The following GUCY1A2 variants were observed in gnomAD, a reference collection of about 807,000 sequenced individuals.
The protein encoded by GUCY1A2 is guanylate cyclase soluble subunit alpha-2.
Under a neutral mutation model 63.5 loss-of-function variants are expected in GUCY1A2, and 27 were observed. The ratio of observed to expected loss-of-function variants is 0.43; its 90% confidence interval spans 0.31 to 0.59. GUCY1A2 has a LOEUF of 0.59. Among genes scored for constraint, GUCY1A2 ranks in the 20% least tolerant of loss-of-function variants. The pLI, the probability that GUCY1A2 is intolerant of heterozygous loss-of-function variation, is 0.11. For missense variants in GUCY1A2, 768 were observed against 913.3 expected, an observed-to-expected ratio of 0.84 and a Z score of 2.05; for synonymous variants, 364 against 343.5, an observed-to-expected ratio of 1.06 and a Z score of -0.66.
At chr11:106,733,000 G>T (rs1863529702) in intron 6 of GUCY1A2, among the ~76,000 whole-genome samples, 1 of 152,084 alleles carries the variant, frequency 6.6e-6, no homozygotes, top group Non-Finnish European at 1.5e-5. Flanking sequence ...ATTCAGATTT[G>T]GAATAATCAC....
intron 5 of GUCY1A2, among the ~76,000 whole-genome samples, chr11:106,795,148 T>G (rs1864731384): frequency 6.6e-6 from 1 of 152,160 alleles, no homozygotes. Flanking sequence ...ATAAGTTACG[T>G]GACTTACTCA....
At chr11:106,692,964 G>A (rs17563648) in intron 7 of GUCY1A2, among the ~76,000 whole-genome samples, 14,199 of 152,244 alleles carry the variant, frequency 0.093, 890 homozygotes, top group Non-Finnish European at 0.14. Context: ...ACATCTGCAC[G>A]TTTGAAATCA....
intron 3 of GUCY1A2, among the ~76,000 whole-genome samples, chr11:106,945,522 T>C (rs566997533): frequency 2.0e-5 from 3 of 152,266 alleles, no homozygotes; most frequent in South Asian, 4.1e-4. Context: ...AACACACACA[T>C]AGACACATGC....
chr11:106,773,092 T>G (rs936346462), intron 6 of GUCY1A2, among the ~76,000 whole-genome samples: 1 of 152,130 alleles, frequency 6.6e-6, no homozygotes, highest in Non-Finnish European at 1.5e-5. Flanking sequence ...AATAAAAAAT[T>G]TTATACTATG....
chr11:106,957,855 CTTTTTTTTTTTTTTTTTTTTT>C (rs59519013), intron 3 of GUCY1A2, among the ~76,000 whole-genome samples: 2 of 87,244 alleles, frequency 2.3e-5, no homozygotes, highest in Non-Finnish European at 4.1e-5. Context: ...AAGGGACAAA[CTTTTTTTTTTTTTTTTTTTTT>C]TTTTTTTTTT....
At chr11:106,733,905 C>A (rs935516682) in intron 6 of GUCY1A2, among the ~76,000 whole-genome samples, 4 of 152,106 alleles carry the variant, frequency 2.6e-5, no homozygotes, top group Admixed American at 2.6e-4. Flanking sequence ...TTCCTCAACT[C>A]CTCCTAGGGG....
At chr11:106,776,418 C>CTCTCAAAT in intron 6 of GUCY1A2, 21 bp downstream of exon 6, 1 of 1,603,178 alleles carries the variant, frequency 6.2e-7, no homozygotes, top group Non-Finnish European at 8.5e-7. Flanking sequence ...ACTACTCAAA[C>CTCTCAAAT]TAGATTGTTG....
intron 3 of GUCY1A2, among the ~76,000 whole-genome samples, chr11:106,978,321 G>A (rs540767729): frequency 6.6e-6 from 1 of 152,252 alleles, no homozygotes; most frequent in East Asian, 1.9e-4. Flanking sequence ...CTGAGAATAA[G>A]GGCCAAAGAA....
At chr11:106,944,970 T>C (rs1439543962) in intron 3 of GUCY1A2, among the ~76,000 whole-genome samples, 1 of 151,948 alleles carries the variant, frequency 6.6e-6, no homozygotes, top group Non-Finnish European at 1.5e-5. Flanking sequence ...AACACTATAA[T>C]GTAGAATGAG....
At chr11:106,930,850 C>A (rs145768661) in intron 4 of GUCY1A2, among the ~76,000 whole-genome samples, 3 of 152,308 alleles carry the variant, frequency 2.0e-5, no homozygotes, top group Admixed American at 1.3e-4. Flanking sequence ...CCAAGGCAGG[C>A]GGATCACGAG....
chr11:106,985,234 C>T (rs1861386126), intron 2 of GUCY1A2, among the ~76,000 whole-genome samples: 2 of 152,198 alleles, frequency 1.3e-5, no homozygotes, highest in South Asian at 4.1e-4. Flanking sequence ...AGATAAATCA[C>T]TGTACCATAT....
intron 5 of GUCY1A2, among the ~76,000 whole-genome samples, chr11:106,791,868 T>G (rs750738708): frequency 1.3e-5 from 2 of 152,146 alleles, no homozygotes; most frequent in Non-Finnish European, 2.9e-5. Context: ...CATTTACGTT[T>G]CATACCAGAA....
chr11:106,791,879 G>A (rs1040265955), intron 5 of GUCY1A2, among the ~76,000 whole-genome samples: 1 of 151,988 alleles, frequency 6.6e-6, no homozygotes, highest in Non-Finnish European at 1.5e-5. Flanking sequence ...CATACCAGAA[G>A]AGCTGGTACC....
At chr11:106,968,851 G>GA (rs1428539784) in intron 3 of GUCY1A2, among the ~76,000 whole-genome samples, 2 of 152,248 alleles carry the variant, frequency 1.3e-5, no homozygotes, top group Admixed American at 6.5e-5. Context: ...GGAAATATAG[G>GA]AAAAAACCAC....
intron 4 of GUCY1A2, among the ~76,000 whole-genome samples, chr11:106,925,200 G>A (rs1220955333): frequency 1.3e-5 from 2 of 151,586 alleles, no homozygotes; most frequent in African/African-American, 2.4e-5. Context: ...AGAGAGAGAG[G>A]AGAAAGAGAG....
At chr11:106,742,719 G>C (rs1863716286) in intron 6 of GUCY1A2, among the ~76,000 whole-genome samples, 1 of 152,074 alleles carries the variant, frequency 6.6e-6, no homozygotes, top group Non-Finnish European at 1.5e-5. Context: ...TGGGATTTCT[G>C]GGTCAAATGA....
chr11:106,866,056 T>C (rs1427248701), intron 4 of GUCY1A2, among the ~76,000 whole-genome samples: 1 of 151,978 alleles, frequency 6.6e-6, no homozygotes, highest in African/African-American at 2.4e-5. Flanking sequence ...AGGCTTATAA[T>C]ATTCACTTAT....
At chr11:106,997,629 C>CA (rs1491131511) in intron 1 of GUCY1A2, among the ~76,000 whole-genome samples, 2 of 140,526 alleles carry the variant, frequency 1.4e-5, no homozygotes, top group Non-Finnish European at 3.1e-5. Context: ...CCCCCCCCCC[C>CA]ACCCGAGCAA....
chr11:106,738,701 T>C (rs1183397713), intron 6 of GUCY1A2, among the ~76,000 whole-genome samples: 1 of 152,184 alleles, frequency 6.6e-6, no homozygotes, highest in Admixed American at 6.5e-5. Flanking sequence ...TAGATGGTGG[T>C]AGATATGTGG....
Sources: allele counts gnomAD v4.1 joint callset (sites outside exome capture counted in the v4.1 genomes callset), GRCh38; gene constraint gnomAD v4.1.1; transcripts MANE v1.5; gene names NCBI Gene and HGNC (gene_info 2026-07-23, HGNC 2026-07-21).